Variants in RAPH1 observed in about 807,000 individuals in gnomAD.
RAPH1 encodes ras-associated and pleckstrin homology domains-containing protein 1.
Under a neutral mutation model 88.1 loss-of-function variants are expected in RAPH1, and 18 were observed. The ratio of observed to expected loss-of-function variants is 0.20; its 90% CI spans 0.14 to 0.30. The LOEUF is 0.30. Ranked by LOEUF, RAPH1 falls within the 10% of genes least tolerant of loss-of-function variation. The pLI, the probability that RAPH1 is intolerant of heterozygous loss-of-function variation, is 1.00. For missense variants in RAPH1, 1,448 were observed against 1,543.2 expected, an observed-to-expected ratio of 0.94 and a Z score of 1.03; for synonymous variants, 587 against 559.0, an observed-to-expected ratio of 1.05 and a Z score of -0.71.
rs777844195 is a variant in RAPH1 at position 203,439,719 on chromosome 2, G to T, written c.3471C>A (p.Ser1157=). The T allele has an allele frequency of 1.9e-6, 3 of 1,614,154 alleles. No individual in the cohort carries two copies. In the South Asian group the frequency reaches 3.3e-5, roughly 18 times the overall value. ...GGAATCCAGGCTGGACACTAAGGCT[G>T]GATTTGGGAGAGGTGGGCACTTGTG... The part of the protein sequence containing the change: ...VVPQVPTSPK[S]SLSVQPGFLA... Residue 1157 remains serine, a synonymous_variant, in exon 14 of 14, where the codon TCC becomes TCA. Coordinates refer to ENST00000319170, the MANE Select transcript of RAPH1 (RefSeq NM_213589.3).
At chr2:203,472,288 AC>A (rs964401304) in intron 4 of RAPH1, among the ~76,000 whole-genome samples, 80 of 152,152 alleles carry the variant, frequency 5.3e-4, no homozygotes, top group African/African-American at 1.8e-3. Flanking sequence ...ATGGGCCACC[AC>A]ACTCGGCTAA....
chr2:203,485,328 G>A (rs936107996), intron 4 of RAPH1, among the ~76,000 whole-genome samples: 1 of 150,296 alleles, frequency 6.7e-6, no homozygotes, highest in African/African-American at 2.5e-5. Flanking sequence ...TGAGAACCAT[G>A]TGAACCTGGG....
intron 5 of RAPH1, 27 bp downstream of exon 5, chr2:203,461,821 C>T (rs1288302390): frequency 6.4e-7 from 1 of 1,560,160 alleles, no homozygotes; most frequent in Admixed American, 2.0e-5. Flanking sequence ...AAAAAAATCC[C>T]AAACCAGGAA....
At chr2:203,500,208 A>G (rs1688681690) in intron 1 of RAPH1, among the ~76,000 whole-genome samples, 2 of 152,238 alleles carry the variant, frequency 1.3e-5, no homozygotes, top group Non-Finnish European at 2.9e-5. Flanking sequence ...GAGGTATGTT[A>G]AGTGAGCGTA....
chr2:203,472,287 C>T (rs1468361205), intron 4 of RAPH1, among the ~76,000 whole-genome samples: 1 of 152,106 alleles, frequency 6.6e-6, no homozygotes, highest in Admixed American at 6.5e-5. Flanking sequence ...CATGGGCCAC[C>T]ACACTCGGCT....
intron 4 of RAPH1, among the ~76,000 whole-genome samples, chr2:203,464,774 AAG>A (rs773868569): frequency 5.3e-5 from 8 of 150,710 alleles, no homozygotes; most frequent in South Asian, 2.1e-4. Context: ...TATAAAAAAA[AAG>A]AGAGAGAGAG....
intron 1 of RAPH1, among the ~76,000 whole-genome samples, chr2:203,528,308 CAG>C (rs1690217733): frequency 6.6e-6 from 1 of 151,774 alleles, no homozygotes; most frequent in Admixed American, 6.6e-5. Context: ...ACTCTAAGAA[CAG>C]AGAAGCCATT....
At position 203,440,432 on chromosome 2, in the gene RAPH1, G is replaced by T. The variant is rs2098502492; in HGVS notation, c.2758C>A (p.Pro920Thr). Reference sequence around the variant, plus strand: ...GGAAACACCAGGCTGCTTTCAGGAGGGGGAGGAGGGAAGTCCGGAGAAGGG... The same window carrying T: ...GGAAACACCAGGCTGCTTTCAGGAGTGGGAGGAGGGAAGTCCGGAGAAGGG... ...PVPSPDFPPP[P>T]PESSLVFPPP... is the part of the protein sequence containing the mutation. The change falls in exon 14 of 14, where the codon CCT (proline) becomes ACT (threonine). Residue 920 changes from proline (P) to threonine (T), a missense_variant. This residue lies in a region of RAPH1 where 935 missense variants were observed against 890.1 expected (regional missense o/e 1.05). Transcript: ENST00000319170. 1 of 1,548,740 alleles carries T rather than the reference G, an allele frequency of 6.5e-7. No individual in the cohort carries two copies. Among genetic ancestry groups the T allele is most frequent in the Non-Finnish European group, 8.7e-7 (1 of 1,148,964 alleles).
chr2:203,523,552 T>TA (rs1409599885), intron 1 of RAPH1, among the ~76,000 whole-genome samples: 2 of 152,024 alleles, frequency 1.3e-5, no homozygotes, highest in African/African-American at 4.8e-5. Context: ...ATGTAAAAGC[T>TA]AAAATTATAA....
At position 203,515,975 on chromosome 2, in the gene RAPH1, T is replaced by G. The variant is rs537546900; in HGVS notation, c.-1+19136A>C. On this transcript the variant is annotated intron_variant, in intron 1 of 13. Transcript: ENST00000319170. ...AAATCAGTGAAGGTATAACTTTTAC[T>G]CTTCTTAATTGATCTAAAGATAATA... is the stretch of plus-strand genomic sequence containing the variant. Among the ~76,000 whole-genome samples the G allele has an allele frequency of 2.2e-4, 34 of 152,350 alleles. No individual in the cohort carries two copies. The South Asian group carries it at 6.6e-3, about 30-fold the overall frequency.
Position 203,506,746 on chromosome 2 carries a change from A to AGATATATATATC in RAPH1, c.1-11394_1-11393insGATATATATATC, listed in dbSNP as rs1420089942. Among the ~76,000 whole-genome samples the AGATATATATATC allele has an allele frequency of 1.3e-3, 154 of 118,850 alleles. 15 individuals are homozygous for AGATATATATATC. Among genetic ancestry groups the AGATATATATATC allele is most frequent in the African/African-American group, 6.3e-3 (149 of 23,678 alleles). 78.0% of individuals were successfully genotyped at this position (118,850 alleles called of 152,430 possible). A position where few individuals can be genotyped will look rare whatever the true frequency, so the allele number is the denominator to read the frequency against. ...AATCCATATATAGATATATATCTATATATATATATATCTATATATATATCT... is the reference window on the plus strand; with the variant it reads ...AATCCATATATAGATATATATCTATAGATATATATATCTATATATATATCTATATATATATCT... On this transcript the variant is annotated intron_variant, in intron 1 of 13. Transcript: ENST00000319170.
chr2:203,509,561 A>C (rs1689243348), intron 1 of RAPH1, among the ~76,000 whole-genome samples: 1 of 152,238 alleles, frequency 6.6e-6, no homozygotes, highest in South Asian at 2.1e-4. Context: ...GAACAAAAGG[A>C]GTAAAACAGT....
At chr2:203,512,621 CTTTTTTTTT>C (rs1201403582) in intron 1 of RAPH1, among the ~76,000 whole-genome samples, 1 of 125,878 alleles carries the variant, frequency 7.9e-6, no homozygotes, top group African/African-American at 3.3e-5. Flanking sequence ...CATCCCTTAC[CTTTTTTTTT>C]TTTTTTTTTT....
rs34396607 is a variant in RAPH1 at position 203,513,209 on chromosome 2, T to TGGG, written c.1-17859_1-17857dup. Among the ~76,000 whole-genome samples the TGGG allele has an allele frequency of 1.1e-4, 17 of 149,634 alleles. 1 individual carries two copies. Among genetic ancestry groups the TGGG allele is most frequent in the East Asian group, 4.0e-4 (2 of 5,048 alleles). On this transcript the variant is annotated intron_variant, in intron 1 of 13. Transcript: ENST00000319170. The stretch of plus-strand genomic sequence containing the variant: ...CTCACTTTCTTAATCTGCAGAAAAA[T>TGGG]GGGGGGGGGAATAGATGAACTAGTT...
rs188707168 is a variant in RAPH1, at chr2:203,492,456, T to C, written c.121-1137A>G. On this transcript the variant is annotated intron_variant, in intron 2 of 13. Transcript: ENST00000319170. ...AAATATTCTTGTCCTTCTCCAGTTC[T>C]ATCAAAAGGAGGGCAAATTGCAACC... 5.6e-3 allele frequency among the ~76,000 whole-genome samples: 849 copies of C among 152,294 alleles called. 30 individuals are homozygous for C. Among genetic ancestry groups the C allele is most frequent in the Admixed American group, 0.052 (800 of 15,294 alleles).
At position 203,436,450 on chromosome 2, in the gene RAPH1, T is replaced by C. The variant is rs1347856525; in HGVS notation, c.*2987A>G. 1 of 152,190 alleles carries C rather than the reference T, an allele frequency of 6.6e-6. No individual in the cohort carries two copies. The highest frequency in any genetic ancestry group is 1.5e-5 in the Non-Finnish European group (1 of 68,022). The allele number at this position is 152,190 out of a possible 1,614,324, so 9.4% of individuals were successfully genotyped here. On this transcript the variant is annotated 3_prime_UTR_variant, in exon 14 of 14. Transcript: ENST00000319170. ...TAAAAGTCAAGCTGGTAAAATCCAA[T>C]ACAGAATATCTAATAAACCATAAGT... is the stretch of plus-strand genomic sequence containing the variant.
At chr2:203,451,876 T>C (rs2098515187) in intron 10 of RAPH1, among the ~76,000 whole-genome samples, 1 of 152,218 alleles carries the variant, frequency 6.6e-6, no homozygotes, top group Non-Finnish European at 1.5e-5. Flanking sequence ...GAAAATGTAC[T>C]CTGGGCCAGT....
Position 203,489,755 on chromosome 2 carries a change from GTGC to G in RAPH1, c.558_560del (p.Gln186del). 6.2e-7 allele frequency: 1 copy of G among 1,614,154 alleles called. No individual in the cohort carries two copies. Among genetic ancestry groups the G allele is most frequent in the Non-Finnish European group, 8.5e-7 (1 of 1,180,028 alleles). On this transcript the variant is annotated inframe_deletion, in exon 4 of 14. Coordinates refer to ENST00000319170, the MANE Select transcript of RAPH1 (RefSeq NM_213589.3). ...CTGTGCCTGCTGACGCGGTTCTTCT[GTGC>G]TGATTAGTTACTAAGGGTTTAGTAT...
chr2:203,475,967 G>A (rs1216541903), intron 4 of RAPH1, among the ~76,000 whole-genome samples: 3 of 152,176 alleles, frequency 2.0e-5, no homozygotes, highest in East Asian at 3.9e-4. Context: ...AAGTAGGTAT[G>A]TAAGTAGGTT....
Sources: allele counts gnomAD v4.1 joint callset (sites outside exome capture counted in the v4.1 genomes callset), GRCh38; gene constraint gnomAD v4.1.1; regional missense constraint gnomAD v4.1.1; transcripts MANE v1.5; gene names NCBI Gene and HGNC (gene_info 2026-07-23, HGNC 2026-07-21).